Variants in CHIC1 observed in about 807,000 individuals in gnomAD.
CHIC1 encodes the protein cysteine rich hydrophobic domain 1.
In CHIC1, 7 loss-of-function variants were observed where a neutral mutation model predicts 18.5. The observed-to-expected ratio is 0.38, with a 90% CI of 0.22 to 0.71. The LOEUF (loss-of-function observed/expected upper bound fraction) is 0.71. CHIC1 is among the 30% of genes least tolerant of loss of function. The pLI is 0.49. For synonymous variants in CHIC1, 77 were observed against 73.5 expected (o/e 1.05, Z -0.25); for missense variants, 159 against 176.9 (o/e 0.90, Z 0.57).
At chrX:73,640,722 T>C (rs548953524) in intron 3 of CHIC1, among the ~76,000 whole-genome samples, 1 of 111,907 alleles carries the variant, frequency 8.9e-6, no homozygotes, top group Middle Eastern at 4.6e-3. Flanking sequence ...TTTCTAATTG[T>C]ATTTATTTGG....
At chrX:73,612,218 C>T (rs1337884263) in intron 3 of CHIC1, among the ~76,000 whole-genome samples, 2 of 111,770 alleles carry the variant, frequency 1.8e-5, no homozygotes, top group Non-Finnish European at 3.8e-5. Flanking sequence ...GGAAGGGATC[C>T]AGTTTCAGCT....
At chrX:73,576,672 T>C (rs1368054131) in intron 1 of CHIC1, among the ~76,000 whole-genome samples, 2 of 110,799 alleles carry the variant, frequency 1.8e-5, no homozygotes, top group East Asian at 2.8e-4. Context: ...CCTCCGCTAA[T>C]GTAACATTGT....
At chrX:73,640,345 T>C (rs1842316469) in intron 3 of CHIC1, among the ~76,000 whole-genome samples, 2 of 112,230 alleles carry the variant, frequency 1.8e-5, no homozygotes, top group Admixed American at 9.5e-5. Flanking sequence ...TTTATTTTCA[T>C]ATATTGAACC....
At chrX:73,574,920 T>C (rs867757066) in intron 1 of CHIC1, among the ~76,000 whole-genome samples, 13 of 109,959 alleles carry the variant, frequency 1.2e-4, no homozygotes, top group African/African-American at 4.3e-4. Context: ...TCTCAGATTT[T>C]CTTCTGCTAG....
In CHIC1 at chrX:73,586,195, G is replaced by C. The variant is rs1418222484; in HGVS notation, c.507+1623G>C. Among the ~76,000 whole-genome samples the C allele has an allele frequency of 7.2e-5, 8 of 111,550 alleles. No individual in the cohort carries two copies. The East Asian group carries it at 1.7e-3, about 24-fold the overall frequency. On this transcript the variant is annotated intron_variant, in intron 3 of 5. Coordinates refer to ENST00000373502, the MANE Select transcript of CHIC1 (RefSeq NM_001039840.4). Reference sequence around the variant, plus strand: ...ATATGTCAGCAGTTGGCTCTGAGTAGTGGCTGCTTCCTTTAAGTAGAACAT... The same window carrying C: ...ATATGTCAGCAGTTGGCTCTGAGTACTGGCTGCTTCCTTTAAGTAGAACAT...
chrX:73,617,734 C>T (rs2057739429), intron 3 of CHIC1, among the ~76,000 whole-genome samples: 1 of 111,224 alleles, frequency 9.0e-6, no homozygotes, highest in Non-Finnish European at 1.9e-5. Flanking sequence ...GGAAACTGCC[C>T]CCATGATTCA....
chrX:73,648,638 T>C (rs959599735), intron 3 of CHIC1, among the ~76,000 whole-genome samples: 3 of 111,054 alleles, frequency 2.7e-5, no homozygotes, highest in African/African-American at 6.6e-5. Context: ...ACCATCTTGC[T>C]GAAAAAGGGC....
At position 73,564,857 on chromosome X, in the gene CHIC1, C is replaced by T. The variant is rs757132617; in HGVS notation, c.296+1277C>T. Among the ~76,000 whole-genome samples the T allele has an allele frequency of 6.8e-5, 6 of 88,768 alleles. No homozygotes were observed. In the Admixed American group the frequency reaches 7.4e-4, roughly 11 times the overall value. 77.1% of individuals were successfully genotyped at this position (88,768 alleles called of 115,157 possible). On this transcript the variant is annotated intron_variant, in intron 1 of 5. Coordinates refer to ENST00000373502, the MANE Select transcript of CHIC1 (RefSeq NM_001039840.4). ...TTTTGCCCAGGCTGGAGTGCAGTGG[C>T]GCAATCTTGGCTCACTGCAGCCTCT... is the stretch of plus-strand genomic sequence containing the variant.
intron 3 of CHIC1, among the ~76,000 whole-genome samples, chrX:73,677,278 A>C (rs2058070670): frequency 8.9e-6 from 1 of 112,118 alleles, no homozygotes; most frequent in South Asian, 3.7e-4. Context: ...GGGACATTTA[A>C]GTCTGCAGAG....
intron 3 of CHIC1, among the ~76,000 whole-genome samples, chrX:73,669,561 C>G (rs186262072): frequency 9.6e-4 from 99 of 103,298 alleles, no homozygotes; most frequent in Middle Eastern, 4.8e-3. Flanking sequence ...CTAATAGTTG[C>G]CTGCAGGCGT....
intron 3 of CHIC1, among the ~76,000 whole-genome samples, chrX:73,588,371 G>T (rs5982463): frequency 0.012 from 1,326 of 110,583 alleles, 8 homozygotes; most frequent in Middle Eastern, 0.032. Context: ...CTCTTTCATG[G>T]CTTTTAAAAC....
intron 3 of CHIC1, among the ~76,000 whole-genome samples, chrX:73,629,070 G>T (rs1300405194): frequency 9.0e-6 from 1 of 111,238 alleles, no homozygotes; most frequent in African/African-American, 3.3e-5. Context: ...ATTCTCTGGT[G>T]ATCAGTGATG....
chrX:73,565,953 T>C (rs932483803), intron 1 of CHIC1, among the ~76,000 whole-genome samples: 4 of 110,709 alleles, frequency 3.6e-5, no homozygotes, highest in Non-Finnish European at 5.7e-5. Context: ...AGCCCTCACC[T>C]CAAACTCAGT....
In CHIC1 at chrX:73,674,685, C is replaced by T. The variant is rs188031140; in HGVS notation, c.508-4641C>T. ...TTTGTTGATCTTTTCAGAAAACCAG[C>T]TCCTGGATTCATTGATTTTTTTGAA... is the stretch of plus-strand genomic sequence containing the variant. On this transcript the variant is annotated intron_variant, in intron 3 of 5. Coordinates refer to ENST00000373502, the MANE Select transcript of CHIC1 (RefSeq NM_001039840.4). Among the ~76,000 whole-genome samples the T allele has an allele frequency of 7.0e-4, 78 of 111,772 alleles. 4 individuals are homozygous for T. In the East Asian group the frequency reaches 0.013, roughly 19 times the overall value.
At chrX:73,610,122 A>AGAACC (rs776437614) in intron 3 of CHIC1, among the ~76,000 whole-genome samples, 1 of 109,380 alleles carries the variant, frequency 9.1e-6, no homozygotes, top group African/African-American at 3.5e-5. Flanking sequence ...CACATGAGTG[A>AGAACC]GAACCTGCAC....
chrX:73,598,453 G>A (rs1474985746), intron 3 of CHIC1, among the ~76,000 whole-genome samples: 2 of 103,711 alleles, frequency 1.9e-5, no homozygotes, highest in African/African-American at 7.0e-5. Context: ...CTAGCATTAG[G>A]TATATCTCCC....
At chrX:73,640,001 T>A (rs1255444445) in intron 3 of CHIC1, among the ~76,000 whole-genome samples, 1 of 111,649 alleles carries the variant, frequency 9.0e-6, no homozygotes, top group Non-Finnish European at 1.9e-5. Context: ...CCTCACTTTT[T>A]ATTTGGATGC....
chrX:73,621,147 T>G, intron 3 of CHIC1, among the ~76,000 whole-genome samples: 1 of 111,879 alleles, frequency 8.9e-6, no homozygotes, highest in Admixed American at 9.5e-5. Context: ...CCTCCAGCTT[T>G]GTTCTTTTTG....
rs2058119899 is a variant in CHIC1 at position 73,685,991 on chromosome X, A to G, written c.*4986A>G. The G allele has an allele frequency of 9.0e-6, 1 of 111,290 alleles. No individual in the cohort carries two copies. Among genetic ancestry groups the G allele is most frequent in the Non-Finnish European group, 1.9e-5 (1 of 52,892 alleles). 9.2% of individuals were successfully genotyped at this position (111,290 alleles called of 1,213,427 possible). A position where few individuals can be genotyped will look rare whatever the true frequency, so the allele number is the denominator to read the frequency against. On this transcript the variant is annotated 3_prime_UTR_variant, in exon 6 of 6. Transcript: ENST00000373502. ...GTAATATTTCAAAAAGTATATTAGA[A>G]ATTATACATTTACCCATAATATTCC...
Sources: allele counts gnomAD v4.1 joint callset (sites outside exome capture counted in the v4.1 genomes callset), GRCh38; gene constraint gnomAD v4.1.1; transcripts MANE v1.5; gene names NCBI Gene and HGNC (gene_info 2026-07-23, HGNC 2026-07-21).